Variants in FER observed in about 807,000 individuals in gnomAD.
FER encodes the protein FER tyrosine kinase.
FER carries 63 observed loss-of-function variants against 111.0 expected under a neutral mutation model. The ratio of observed to expected loss-of-function variants is 0.57; its 90% confidence interval spans 0.46 to 0.70. FER has a LOEUF of 0.70. FER is among the 30% of genes least tolerant of loss of function. The pLI, the probability that FER is intolerant of heterozygous loss-of-function variation, is 0.00. For synonymous variants in FER, 327 were observed against 313.9 expected, an observed-to-expected ratio of 1.04 and a Z score of -0.44; for missense variants, 914 against 954.0, an observed-to-expected ratio of 0.96 and a Z score of 0.55.
chr5:108,879,051 A>G (rs977932378), intron 8 of FER, among the ~76,000 whole-genome samples: 3 of 152,128 alleles, frequency 2.0e-5, no homozygotes, highest in African/African-American at 7.2e-5. Flanking sequence ...TAAGAATTAT[A>G]TAAATTTAAG....
At position 109,191,964 on chromosome 5, in the gene FER, T is replaced by C. The variant is rs1759414760; in HGVS notation, c.*4389T>C. The C allele has an allele frequency of 6.6e-6, 1 of 152,172 alleles. No homozygotes were observed. The highest frequency in any genetic ancestry group is 2.4e-5 in the African/African-American group (1 of 41,444). 9.4% of individuals were successfully genotyped at this position (152,172 alleles called of 1,614,324 possible). A position where few individuals can be genotyped will look rare whatever the true frequency, so the allele number is the denominator to read the frequency against. Reference sequence around the variant, plus strand: ...TGTCCTACAGAAGGTGTATAAACTATACCTTAGCCATAATTCAATTTAATG... The same window carrying C: ...TGTCCTACAGAAGGTGTATAAACTACACCTTAGCCATAATTCAATTTAATG... On this transcript the variant is annotated 3_prime_UTR_variant, in exon 20 of 20. Coordinates refer to ENST00000281092, the MANE Select transcript of FER (RefSeq NM_005246.4).
chr5:109,010,187 A>T (rs911233230), intron 13 of FER, among the ~76,000 whole-genome samples: 2 of 151,622 alleles, frequency 1.3e-5, no homozygotes, highest in African/African-American at 4.8e-5. Context: ...TTTTTTTGAG[A>T]CAGCCTGTCG....
chr5:109,047,074 T>C, intron 15 of FER, 30 bp from the exon 16 acceptor site: 1 of 1,131,940 alleles, frequency 8.8e-7, no homozygotes, highest in Non-Finnish European at 1.3e-6. Flanking sequence ...ATTCAAATGA[T>C]AACTATTCGT....
At chr5:109,099,723 T>G (rs1273181299) in intron 16 of FER, among the ~76,000 whole-genome samples, 1 of 151,616 alleles carries the variant, frequency 6.6e-6, no homozygotes, top group African/African-American at 2.4e-5. Context: ...ATGTGGCTAC[T>G]AGTAAACTTC....
chr5:108,815,086 T>C (rs1051414225), intron 3 of FER, among the ~76,000 whole-genome samples: 1 of 152,156 alleles, frequency 6.6e-6, no homozygotes, highest in Non-Finnish European at 1.5e-5. Flanking sequence ...TGGTTTCTTT[T>C]AGTGGGGAAA....
intron 17 of FER, among the ~76,000 whole-genome samples, chr5:109,173,491 A>AT (rs1447685426): frequency 1.3e-5 from 2 of 152,162 alleles, no homozygotes; most frequent in African/African-American, 2.4e-5. Context: ...CCCTATACAA[A>AT]TTTTTTTATA....
At chr5:109,133,488 G>T (rs999650598) in intron 17 of FER, among the ~76,000 whole-genome samples, 6 of 152,160 alleles carry the variant, frequency 3.9e-5, no homozygotes, top group African/African-American at 1.4e-4. Context: ...AAAAAGGTTA[G>T]TAAAGGCAAT....
chr5:109,155,777 A>G (rs539295146), intron 17 of FER, among the ~76,000 whole-genome samples: 1 of 152,126 alleles, frequency 6.6e-6, no homozygotes, highest in Admixed American at 6.6e-5. Flanking sequence ...GTGATGGTCA[A>G]ATGAAGCCAG....
At chr5:109,067,270 C>T (rs1040837163) in intron 16 of FER, among the ~76,000 whole-genome samples, 211 of 137,974 alleles carry the variant, frequency 1.5e-3, no homozygotes, top group Admixed American at 2.6e-3. Flanking sequence ...GTTGCTGTTG[C>T]TGCTGCTGCT....
intron 16 of FER, among the ~76,000 whole-genome samples, chr5:109,060,694 TAA>T (rs1230509914): frequency 6.6e-6 from 1 of 150,614 alleles, no homozygotes; most frequent in Non-Finnish European, 1.5e-5. Flanking sequence ...AAAAAAGAAA[TAA>T]AAAAAATTAA....
At chr5:109,004,812 A>G (rs1403380407) in intron 13 of FER, among the ~76,000 whole-genome samples, 2 of 152,240 alleles carry the variant, frequency 1.3e-5, no homozygotes, top group East Asian at 3.9e-4. Flanking sequence ...GATTGTGTTC[A>G]TTTTAGGTTG....
intron 13 of FER, among the ~76,000 whole-genome samples, chr5:109,002,621 A>G (rs971093537): frequency 2.0e-5 from 3 of 152,204 alleles, no homozygotes; most frequent in African/African-American, 4.8e-5. Flanking sequence ...AAATTGACAA[A>G]TGGGATCTAA....
At chr5:109,185,912 A>G (rs1758806223) in intron 18 of FER, among the ~76,000 whole-genome samples, 1 of 152,216 alleles carries the variant, frequency 6.6e-6, no homozygotes, top group Admixed American at 6.5e-5. Flanking sequence ...CCTATATAGC[A>G]TGTTACTGTA....
intron 2 of FER, chr5:108,785,621 G>C: frequency 2.6e-6 from 1 of 387,680 alleles, no homozygotes; most frequent in South Asian, 2.1e-5. Context: ...GGGAGTCTCA[G>C]GCCTTATGGT....
At chr5:108,844,095 T>TATATGCGTGTGAAC (rs1561500394) in intron 5 of FER, among the ~76,000 whole-genome samples, 1 of 145,590 alleles carries the variant, frequency 6.9e-6, no homozygotes, top group Non-Finnish European at 1.5e-5. Context: ...CGTGTGAACA[T>TATATGCGTGTGAAC]ATGTGTGTGA....
intron 17 of FER, among the ~76,000 whole-genome samples, chr5:109,127,419 T>G (rs1415806072): frequency 1.3e-5 from 2 of 152,248 alleles, no homozygotes; most frequent in South Asian, 2.1e-4. Flanking sequence ...ATTTGTATTT[T>G]TTTGAGACAG....
At chr5:109,138,191 A>G (rs1186640695) in intron 17 of FER, among the ~76,000 whole-genome samples, 1 of 152,184 alleles carries the variant, frequency 6.6e-6, no homozygotes, top group African/African-American at 2.4e-5. Context: ...AAAAAAGGAA[A>G]ATGTTTCTTC....
At chr5:109,107,739 C>T (rs1274087765) in intron 17 of FER, among the ~76,000 whole-genome samples, 1 of 152,010 alleles carries the variant, frequency 6.6e-6, no homozygotes, top group African/African-American at 2.4e-5. Flanking sequence ...TTTTGTCTTT[C>T]CCTGTGTGTT....
Position 109,188,816 on chromosome 5 carries a change from G to A in FER, c.*1241G>A, listed in dbSNP as rs1759155081. The A allele has an allele frequency of 6.6e-6, 1 of 152,076 alleles. No homozygotes were observed. The highest frequency in any genetic ancestry group is 2.1e-4 in the South Asian group (1 of 4,824). The allele number at this position is 152,076 out of a possible 1,614,324, so 9.4% of individuals were successfully genotyped here. On this transcript the variant is annotated 3_prime_UTR_variant, in exon 20 of 20. Coordinates refer to ENST00000281092, the MANE Select transcript of FER (RefSeq NM_005246.4). ...TCAGTTAAGCATTTTCACCTTAGAG[G>A]GGGCATTCCAAAATGTAATTTCCTT...
Sources: allele counts gnomAD v4.1 joint callset (sites outside exome capture counted in the v4.1 genomes callset), GRCh38; gene constraint gnomAD v4.1.1; transcripts MANE v1.5; gene names NCBI Gene and HGNC (gene_info 2026-07-23, HGNC 2026-07-21).